The following EGR3 variants were observed in gnomAD, a reference collection of about 807,000 sequenced individuals.
EGR3 encodes early growth response 3.
EGR3 carries 4 observed loss-of-function variants against 22.4 expected under a neutral mutation model. That is an observed-to-expected ratio of 0.18 (90% CI 0.09 to 0.41). The LOEUF is 0.41. Ranked by LOEUF, EGR3 falls within the 10% of genes least tolerant of loss-of-function variation. The pLI is 1.00. For synonymous variants in EGR3, 219 were observed against 226.8 expected, an observed-to-expected ratio of 0.97 and a Z score of 0.31; for missense variants, 315 against 541.3, an observed-to-expected ratio of 0.58 and a Z score of 4.15.
At position 22,692,224 on chromosome 8, in the gene EGR3, T is replaced by A. The variant is rs1265209265; in HGVS notation, c.154+567A>T. The A allele has an allele frequency of 7.0e-7, 1 of 1,425,656 alleles. No individual in the cohort carries two copies. Among genetic ancestry groups the A allele is most frequent in the East Asian group, 2.9e-5 (1 of 34,704 alleles). 88.3% of individuals were successfully genotyped at this position (1,425,656 alleles called of 1,614,324 possible). Reference sequence around the variant, plus strand: ...CCGTGGCAGGCCCTCGCCCCGCGGGTGAACCCCCTCCTTCTCCCCGCCGTC... The same window carrying A: ...CCGTGGCAGGCCCTCGCCCCGCGGGAGAACCCCCTCCTTCTCCCCGCCGTC... On this transcript the variant is annotated intron_variant, in intron 1 of 1. Transcript: ENST00000317216. The surrounding 1 kb of genome is among the most constrained non-coding windows in gnomAD (Gnocchi z 6.2).
In EGR3 at chr8:22,693,048, A is replaced by C; in HGVS notation, c.-104T>G. 1.3e-6 allele frequency: 1 copy of C among 769,228 alleles called. No homozygotes were observed. Among genetic ancestry groups the C allele is most frequent in the African/African-American group, 2.4e-5 (1 of 42,144 alleles). 47.7% of individuals were successfully genotyped at this position (769,228 alleles called of 1,614,324 possible). On this transcript the variant is annotated 5_prime_UTR_variant, in exon 1 of 2. Coordinates refer to ENST00000317216, the MANE Select transcript of EGR3 (RefSeq NM_004430.3). Reference sequence around the variant, plus strand: ...GCATCCGAGAGGCGATCCGTGGTGCAGGGGAAAAGCATGCGAGAGGGAAAG... The same window carrying C: ...GCATCCGAGAGGCGATCCGTGGTGCCGGGGAAAAGCATGCGAGAGGGAAAG...
rs765548686 is a variant in EGR3 at position 22,688,785 on chromosome 8, C to A, written c.*1688G>T. 6.6e-6 allele frequency: 1 copy of A among 152,614 alleles called. No individual in the cohort carries two copies. The highest frequency in any genetic ancestry group is 6.5e-5 in the Admixed American group (1 of 15,268). The allele number at this position is 152,614 out of a possible 1,614,324, so 9.5% of individuals were successfully genotyped here. A position where few individuals can be genotyped will look rare whatever the true frequency, so the allele number is the denominator to read the frequency against. ...TGCTGCAAGCTGTGGCAGAGAGCAA[C>A]CTTCCCTATTACTCCACTTCAAAGG... is the stretch of plus-strand genomic sequence containing the variant. On this transcript the variant is annotated 3_prime_UTR_variant, in exon 2 of 2. Transcript: ENST00000317216.
At position 22,690,499 on chromosome 8, in the gene EGR3, C is replaced by A. The variant is rs1233560578; in HGVS notation, c.1138G>T (p.Ala380Ser). ...CAGGCGCAGGTGGTGACCACGGGGG[C>A]CAGCGACACGGGGGGCGCCGAGGAT... ...SASSAPPVSLAPVVTTCA is the reference protein window; with the variant it reads ...SASSAPPVSLSPVVTTCA Residue 380 changes from alanine (A) to serine (S), a missense_variant, in exon 2 of 2, where the codon GCC (alanine) becomes TCC (serine). Coordinates refer to ENST00000317216, the MANE Select transcript of EGR3 (RefSeq NM_004430.3). The A allele has an allele frequency of 1.2e-6, 2 of 1,608,296 alleles. No homozygotes were observed. The highest frequency in any genetic ancestry group is 3.3e-5 in the Admixed American group (2 of 59,876).
chr8:22,692,259 C>T lies in EGR3; in HGVS notation c.154+532G>A. 6.6e-7 allele frequency: 1 copy of T among 1,505,744 alleles called. No homozygotes were observed. Among genetic ancestry groups the T allele is most frequent in the Non-Finnish European group, 8.8e-7 (1 of 1,133,370 alleles). 93.3% of individuals were successfully genotyped at this position (1,505,744 alleles called of 1,614,324 possible). A position where few individuals can be genotyped will look rare whatever the true frequency, so the allele number is the denominator to read the frequency against. On this transcript the variant is annotated intron_variant, in intron 1 of 1. Transcript: ENST00000317216. This position sits in a 1 kb window ranked among gnomAD's most constrained non-coding sequence, Gnocchi z 6.2. ...CCTTCTCCCCGCCGTCCCCACACCC[C>T]CACGGCTTTGCTGAACGCCCCGGAA...
chr8:22,690,262 C>T lies in EGR3; in HGVS notation c.*211G>A. 1 of 576,632 alleles carries T rather than the reference C, an allele frequency of 1.7e-6. No individual in the cohort carries two copies. The highest frequency in any genetic ancestry group is 3.1e-6 in the Non-Finnish European group (1 of 326,964). 35.7% of individuals were successfully genotyped at this position (576,632 alleles called of 1,614,324 possible). A position where few individuals can be genotyped will look rare whatever the true frequency, so the allele number is the denominator to read the frequency against. ...CACGCCTTGGCTAAGTGGGGGACCG[C>T]GAGGGGAAGGCGCCTCCAGCCCTGG... On this transcript the variant is annotated 3_prime_UTR_variant, in exon 2 of 2. Transcript: ENST00000317216.
chr8:22,691,427 GT>G lies in EGR3; in HGVS notation c.209del (p.Tyr70SerfsTer14), dbSNP rs1439453310. ...TNEKPNPELS[Y>X]SGSFQPAPGN... Reference sequence around the variant, plus strand: ...CGGGGGCTGGCTGGAAGGAGCCGGAGTAAGAGAGTTCCGGGTTGGGCTTCTC... The same window carrying G: ...CGGGGGCTGGCTGGAAGGAGCCGGAGAAGAGAGTTCCGGGTTGGGCTTCTC... On this transcript the variant is annotated frameshift_variant, in exon 2 of 2. Transcript: ENST00000317216. LOFTEE classifies it high-confidence loss of function. 2.5e-6 allele frequency: 4 copies of G among 1,614,170 alleles called. No homozygotes were observed. The highest frequency in any genetic ancestry group is 1.7e-4 in the Middle Eastern group (1 of 6,060).
At position 22,692,685 on chromosome 8, in the gene EGR3, C is replaced by CCATA. The variant is rs1804012122; in HGVS notation, c.154+105_154+106insTATG. ...TCTATCCACCCATCCACCCATCCAT[C>CCATA]CATCCATCCATCCATCCATCCATCC... On this transcript the variant is annotated intron_variant, in intron 1 of 1. Coordinates refer to ENST00000317216, the MANE Select transcript of EGR3 (RefSeq NM_004430.3). The surrounding 1 kb of genome is among the most constrained non-coding windows in gnomAD (Gnocchi z 6.2). The CCATA allele has an allele frequency of 7.1e-7, 1 of 1,414,400 alleles. No individual in the cohort carries two copies. The highest frequency in any genetic ancestry group is 1.4e-5 in the African/African-American group (1 of 70,736). 87.6% of individuals were successfully genotyped at this position (1,414,400 alleles called of 1,614,324 possible).
rs1804018475 is a variant in EGR3, at chr8:22,692,858, G to A, written c.87C>T (p.Ile29=). ...CGGAGAAGAGGTTGAGCGCGCTGGGGATCTCCTCGGGGTACAGATTGTCAG... is the reference window on the plus strand; with the variant it reads ...CGGAGAAGAGGTTGAGCGCGCTGGGAATCTCCTCGGGGTACAGATTGTCAG... ...QLPDNLYPEE[I]PSALNLFSGS... Residue 29 remains isoleucine, a synonymous_variant, in exon 1 of 2, where the codon ATC becomes ATT. Transcript: ENST00000317216. This position sits in a 1 kb window ranked among gnomAD's most constrained non-coding sequence, Gnocchi z 6.2. The A allele has an allele frequency of 1.2e-6, 2 of 1,613,388 alleles. No homozygotes were observed. The highest frequency in any genetic ancestry group is 2.2e-5 in the East Asian group (1 of 44,806).
Position 22,692,512 on chromosome 8 carries a change from G to A in EGR3, c.154+279C>T. 7.1e-7 allele frequency: 1 copy of A among 1,416,860 alleles called. No individual in the cohort carries two copies. Among genetic ancestry groups the A allele is most frequent in the Non-Finnish European group, 9.2e-7 (1 of 1,089,724 alleles). 87.8% of individuals were successfully genotyped at this position (1,416,860 alleles called of 1,614,324 possible). ...GCTCGCACCTACCTCCCTCCGGTCGGCGGCTGCCCCCACCCGGGAGAACCG... is the reference window on the plus strand; with the variant it reads ...GCTCGCACCTACCTCCCTCCGGTCGACGGCTGCCCCCACCCGGGAGAACCG... On this transcript the variant is annotated intron_variant, in intron 1 of 1. Transcript: ENST00000317216. The surrounding 1 kb of genome is among the most constrained non-coding windows in gnomAD (Gnocchi z 6.2).
rs1226696364 is a variant in EGR3, at chr8:22,692,487, G to T, written c.154+304C>A. The T allele has an allele frequency of 4.9e-6, 7 of 1,427,820 alleles. No individual in the cohort carries two copies. Among genetic ancestry groups the T allele is most frequent in the Non-Finnish European group, 3.7e-6 (4 of 1,095,424 alleles). 88.4% of individuals were successfully genotyped at this position (1,427,820 alleles called of 1,614,324 possible). A position where few individuals can be genotyped will look rare whatever the true frequency, so the allele number is the denominator to read the frequency against. On this transcript the variant is annotated intron_variant, in intron 1 of 1. Transcript: ENST00000317216. This position sits in a 1 kb window ranked among gnomAD's most constrained non-coding sequence, Gnocchi z 6.2. Reference sequence around the variant, plus strand: ...CGTGGTGAGGGAGAACCCCAGAGCCGCTCGCACCTACCTCCCTCCGGTCGG... The same window carrying T: ...CGTGGTGAGGGAGAACCCCAGAGCCTCTCGCACCTACCTCCCTCCGGTCGG...
At position 22,691,388 on chromosome 8, in the gene EGR3, C is replaced by T. The variant is rs978041994; in HGVS notation, c.249G>A (p.Val83=). 1 of 1,614,072 alleles carries T rather than the reference C, an allele frequency of 6.2e-7. No homozygotes were observed. The highest frequency in any genetic ancestry group is 2.2e-5 in the East Asian group (1 of 44,842). ...SFQPAPGNKT[V]TYLGKFAFDS... ...CGAAGGCGAACTTTCCCAAGTAGGT[C>T]ACGGTCTTGTTGCCGGGGGCTGGCT... Residue 83 remains valine, a synonymous_variant, in exon 2 of 2, where the codon GTG becomes GTA. Coordinates refer to ENST00000317216, the MANE Select transcript of EGR3 (RefSeq NM_004430.3).
chr8:22,691,711 A>G, intron 1 of EGR3: 1 of 984,702 alleles, frequency 1.0e-6, no homozygotes, highest in Non-Finnish European at 1.2e-6. Context: ...TGCTGCACAC[A>G]CAGCGCACAA....
chr8:22,692,540 G>A lies in EGR3; in HGVS notation c.154+251C>T, dbSNP rs1804006855. ...GCTGCCCCCACCCGGGAGAACCGAA[G>A]CCTCTACCGTGGCGTCGCCAACCTA... On this transcript the variant is annotated intron_variant, in intron 1 of 1. Transcript: ENST00000317216. This position sits in a 1 kb window ranked among gnomAD's most constrained non-coding sequence, Gnocchi z 6.2. 1 of 1,425,870 alleles carries A rather than the reference G, an allele frequency of 7.0e-7. No individual in the cohort carries two copies. The highest frequency in any genetic ancestry group is 9.1e-7 in the Non-Finnish European group (1 of 1,094,088). The allele number at this position is 1,425,870 out of a possible 1,614,324, so 88.3% of individuals were successfully genotyped here.
Position 22,692,016 on chromosome 8 carries a change from A to C in EGR3, c.155-534T>G. 1 of 1,294,976 alleles carries C rather than the reference A, an allele frequency of 7.7e-7. No homozygotes were observed. Among genetic ancestry groups the C allele is most frequent in the African/African-American group, 1.5e-5 (1 of 64,788 alleles). The allele number at this position is 1,294,976 out of a possible 1,614,324, so 80.2% of individuals were successfully genotyped here. A position where few individuals can be genotyped will look rare whatever the true frequency, so the allele number is the denominator to read the frequency against. ...GAGCGTAGAAGGGTGTCGCCCTCAA[A>C]GGGAGCTCTCCCTTCACCTACCCCG... On this transcript the variant is annotated intron_variant, in intron 1 of 1. Transcript: ENST00000317216. The surrounding 1 kb of genome is among the most constrained non-coding windows in gnomAD (Gnocchi z 6.2).
chr8:22,692,071 T>G lies in EGR3; in HGVS notation c.155-589A>C, dbSNP rs1803987986. 1 of 1,344,584 alleles carries G rather than the reference T, an allele frequency of 7.4e-7. No individual in the cohort carries two copies. Among genetic ancestry groups the G allele is most frequent in the Non-Finnish European group, 9.5e-7 (1 of 1,051,414 alleles). The allele number at this position is 1,344,584 out of a possible 1,614,324, so 83.3% of individuals were successfully genotyped here. ...CAGCCTCCTCGGGCATGAAGGAGCT[T>G]TAGGCTCTTGCTGGAGGGGAAAATC... On this transcript the variant is annotated intron_variant, in intron 1 of 1. Coordinates refer to ENST00000317216, the MANE Select transcript of EGR3 (RefSeq NM_004430.3). The surrounding 1 kb of genome is among the most constrained non-coding windows in gnomAD (Gnocchi z 6.2).
At position 22,691,426 on chromosome 8, in the gene EGR3, A is replaced by T; in HGVS notation, c.211T>A (p.Ser71Thr). The stretch of plus-strand genomic sequence containing the variant: ...CCGGGGGCTGGCTGGAAGGAGCCGG[A>T]GTAAGAGAGTTCCGGGTTGGGCTTC... ...NEKPNPELSY[S>T]GSFQPAPGNK... The change falls in exon 2 of 2, where the codon TCC becomes ACC. Residue 71 changes from serine (S) to threonine (T), a missense_variant. Ser to Thr is a moderately conservative substitution (Grantham distance 58). Coordinates refer to ENST00000317216, the MANE Select transcript of EGR3 (RefSeq NM_004430.3). The T allele has an allele frequency of 6.2e-7, 1 of 1,614,068 alleles. No individual in the cohort carries two copies. Among genetic ancestry groups the T allele is most frequent in the Non-Finnish European group, 8.5e-7 (1 of 1,179,990 alleles).
chr8:22,692,149 A>G lies in EGR3; in HGVS notation c.154+642T>C, dbSNP rs1240576804. On this transcript the variant is annotated intron_variant, in intron 1 of 1. Transcript: ENST00000317216. The surrounding 1 kb of genome is among the most constrained non-coding windows in gnomAD (Gnocchi z 6.2). ...CGGCGGAAAACCGGCCGGTGTCTCC[A>G]TGGCGGGAGAGGCCGCCCTTCCCCA... is the stretch of plus-strand genomic sequence containing the variant. The G allele has an allele frequency of 1.4e-5, 19 of 1,375,218 alleles. No homozygotes were observed. Among genetic ancestry groups the G allele is most frequent in the East Asian group, 1.2e-4 (4 of 33,328 alleles). The allele number at this position is 1,375,218 out of a possible 1,614,324, so 85.2% of individuals were successfully genotyped here.
Position 22,692,327 on chromosome 8 carries a change from C to T in EGR3, c.154+464G>A. ...CTCTCCCACCGCGGGGACTCCACGCCGCACATGGCTCCATCCCGGGTGGGA... is the reference window on the plus strand; with the variant it reads ...CTCTCCCACCGCGGGGACTCCACGCTGCACATGGCTCCATCCCGGGTGGGA... On this transcript the variant is annotated intron_variant, in intron 1 of 1. Coordinates refer to ENST00000317216, the MANE Select transcript of EGR3 (RefSeq NM_004430.3). The surrounding 1 kb of genome is among the most constrained non-coding windows in gnomAD (Gnocchi z 6.2). The T allele has an allele frequency of 2.6e-6, 4 of 1,515,168 alleles. No individual in the cohort carries two copies. Among genetic ancestry groups the T allele is most frequent in the Non-Finnish European group, 3.5e-6 (4 of 1,138,278 alleles). 93.9% of individuals were successfully genotyped at this position (1,515,168 alleles called of 1,614,324 possible).
At position 22,687,869 on chromosome 8, in the gene EGR3, G is replaced by A. The variant is rs1403082540; in HGVS notation, c.*2604C>T. ...ATATTGGCATTACAATATGACAAAGGAGCAAATGAAATGTTGGTGAAGAAT... is the reference window on the plus strand; with the variant it reads ...ATATTGGCATTACAATATGACAAAGAAGCAAATGAAATGTTGGTGAAGAAT... On this transcript the variant is annotated 3_prime_UTR_variant, in exon 2 of 2. Transcript: ENST00000317216. The surrounding 1 kb of genome is among the most constrained non-coding windows in gnomAD (Gnocchi z 4.7). 1.3e-5 allele frequency: 2 copies of A among 152,578 alleles called. No homozygotes were observed. Among genetic ancestry groups the A allele is most frequent in the Non-Finnish European group, 2.9e-5 (2 of 68,036 alleles). 9.5% of individuals were successfully genotyped at this position (152,578 alleles called of 1,614,324 possible).
Sources: allele counts gnomAD v4.1 joint callset, GRCh38; gene constraint gnomAD v4.1.1; non-coding constraint Gnocchi (gnomAD v3.1); transcripts MANE v1.5; gene names NCBI Gene and HGNC (gene_info 2026-07-23, HGNC 2026-07-21).